The following HIBCH variants were observed in gnomAD, a reference collection of about 807,000 sequenced individuals.
The protein encoded by HIBCH is 3-hydroxyisobutyryl-CoA hydrolase.
In HIBCH, 50 loss-of-function variants were observed where a neutral mutation model predicts 58.2. The observed-to-expected ratio is 0.86, with a 90% CI of 0.68 to 1.09. HIBCH has a LOEUF of 1.09. HIBCH is among the 50% of genes least tolerant of loss of function. HIBCH has a pLI of 0.00. For missense variants in HIBCH, 450 were observed against 449.7 expected (o/e 1.00, Z -0.01); for synonymous variants, 151 against 146.9 (o/e 1.03, Z -0.20).
In HIBCH at chr2:190,319,795, G is replaced by T; in HGVS notation, c.-45C>A. 1.9e-6 allele frequency: 3 copies of T among 1,595,618 alleles called. No homozygotes were observed. The highest frequency in any genetic ancestry group is 1.7e-5 in the Admixed American group (1 of 57,710). ...AAAGCAGCAGAGCGAGAATCTCCCGGACCGTTCCAGCGCCTCGCGTGAGCC... is the reference window on the plus strand; with the variant it reads ...AAAGCAGCAGAGCGAGAATCTCCCGTACCGTTCCAGCGCCTCGCGTGAGCC... On this transcript the variant is annotated 5_prime_UTR_variant, in exon 1 of 14. Transcript: ENST00000359678.
At chr2:190,234,636 G>A (rs558619818) in intron 11 of HIBCH, among the ~76,000 whole-genome samples, 66 of 152,190 alleles carry the variant, frequency 4.3e-4, no homozygotes, top group Non-Finnish European at 7.8e-4. Flanking sequence ...GATCAACTGA[G>A]GTCAGGAGTT....
At chr2:190,220,846 C>T (rs1685699582) in intron 11 of HIBCH, among the ~76,000 whole-genome samples, 1 of 152,156 alleles carries the variant, frequency 6.6e-6, no homozygotes, top group Non-Finnish European at 1.5e-5. Flanking sequence ...CACTTTCTGG[C>T]TTCATATGCA....
intron 8 of HIBCH, among the ~76,000 whole-genome samples, chr2:190,251,712 C>CAA (rs3838547): frequency 6.7e-6 from 1 of 149,218 alleles, no homozygotes; most frequent in Non-Finnish European, 1.5e-5. Flanking sequence ...AGATAAGTAA[C>CAA]GTGTTCCTTG....
At chr2:190,219,853 T>C (rs1224741921) in intron 11 of HIBCH, among the ~76,000 whole-genome samples, 1 of 152,222 alleles carries the variant, frequency 6.6e-6, no homozygotes, top group Non-Finnish European at 1.5e-5. Flanking sequence ...CTGAGTCCAT[T>C]CTGTGGGTTT....
intron 11 of HIBCH, among the ~76,000 whole-genome samples, chr2:190,222,815 T>C (rs1450268947): frequency 2.0e-5 from 3 of 152,218 alleles, no homozygotes; most frequent in Non-Finnish European, 2.9e-5. Context: ...GAAAGACACA[T>C]GCACACGTAT....
Position 190,209,183 on chromosome 2 carries a change from G to T in HIBCH, c.1012-270C>A, listed in dbSNP as rs1433186331. ...TCCCCATCTGTGCTGGCTTCACTTT[G>T]CTCTTCATCCAGCCCAATTTCACCA... On this transcript the variant is annotated intron_variant, in intron 12 of 13. Transcript: ENST00000359678. This position sits in a 1 kb window ranked among gnomAD's most constrained non-coding sequence, Gnocchi z 5.6. Among the ~76,000 whole-genome samples, 1 of 152,100 alleles carries T rather than the reference G, an allele frequency of 6.6e-6. No individual in the cohort carries two copies. Among genetic ancestry groups the T allele is most frequent in the Non-Finnish European group, 1.5e-5 (1 of 68,026 alleles).
At chr2:190,301,004 G>A (rs893711089) in intron 2 of HIBCH, among the ~76,000 whole-genome samples, 7 of 152,282 alleles carry the variant, frequency 4.6e-5, no homozygotes, top group East Asian at 1.9e-4. Flanking sequence ...AAATCTACAC[G>A]AATGTTGGAA....
chr2:190,277,128 G>A (rs1687574201), intron 6 of HIBCH, among the ~76,000 whole-genome samples: 1 of 152,118 alleles, frequency 6.6e-6, no homozygotes, highest in Non-Finnish European at 1.5e-5. Context: ...AATAAATTTA[G>A]TCATTTAAAT....
rs1307712684 is a variant in HIBCH at position 190,290,359 on chromosome 2, T to TTTATTC, written c.385+45_385+46insGAATAA. ...TTTAACAAAGTACATACTGTCCACC[T>TTTATTC]CATTTCTTTATTCCATTTCCAAAGC... On this transcript the variant is annotated intron_variant, in intron 5 of 13. Transcript: ENST00000359678. The TTTATTC allele has an allele frequency of 2.3e-6, 3 of 1,293,158 alleles. 1 individual carries two copies. The South Asian group carries it at 3.5e-5, about 15-fold the overall frequency. The allele number at this position is 1,293,158 out of a possible 1,614,324, so 80.1% of individuals were successfully genotyped here. A position where few individuals can be genotyped will look rare whatever the true frequency, so the allele number is the denominator to read the frequency against.
intron 9 of HIBCH, among the ~76,000 whole-genome samples, chr2:190,248,005 T>C (rs183065732): frequency 6.6e-6 from 1 of 152,318 alleles, no homozygotes; most frequent in East Asian, 1.9e-4. Flanking sequence ...GGAACCAAAT[T>C]CAGATTCTCT....
intron 6 of HIBCH, among the ~76,000 whole-genome samples, chr2:190,265,745 G>C (rs1283777629): frequency 6.6e-6 from 1 of 152,034 alleles, no homozygotes; most frequent in East Asian, 1.9e-4. Context: ...AACAGTTATG[G>C]ATTATAATTT....
chr2:190,267,992 G>C (rs564002905), intron 6 of HIBCH, among the ~76,000 whole-genome samples: 1 of 152,254 alleles, frequency 6.6e-6, no homozygotes, highest in East Asian at 1.9e-4. Context: ...ATCTTCTTTG[G>C]AGAGAGAACA....
At chr2:190,292,584 T>C (rs1687986947) in intron 4 of HIBCH, among the ~76,000 whole-genome samples, 1 of 152,250 alleles carries the variant, frequency 6.6e-6, no homozygotes, top group African/African-American at 2.4e-5. Flanking sequence ...GTGCTGAGAT[T>C]ACAGGCGTTA....
intron 7 of HIBCH, among the ~76,000 whole-genome samples, chr2:190,256,246 T>C (rs2105946043): frequency 6.6e-6 from 1 of 151,996 alleles, no homozygotes; most frequent in East Asian, 1.9e-4. Flanking sequence ...TACATGAGAC[T>C]AAGGAAAGAA....
intron 9 of HIBCH, among the ~76,000 whole-genome samples, chr2:190,246,844 T>C (rs1686622244): frequency 6.6e-6 from 1 of 152,168 alleles, no homozygotes. Flanking sequence ...GACACGTATC[T>C]TAGCTGCAGG....
rs1435840791 is a variant in HIBCH, at chr2:190,211,173, T to A, written c.1011+1783A>T. On this transcript the variant is annotated intron_variant, in intron 12 of 13. Transcript: ENST00000359678. This position sits in a 1 kb window ranked among gnomAD's most constrained non-coding sequence, Gnocchi z 5.0. Reference sequence around the variant, plus strand: ...ACCTCTAACAGTGTCTACGACATAGTAAGCACTCTTGTTTAGTAAATAACG... The same window carrying A: ...ACCTCTAACAGTGTCTACGACATAGAAAGCACTCTTGTTTAGTAAATAACG... Among the ~76,000 whole-genome samples the A allele has an allele frequency of 6.6e-6, 1 of 152,184 alleles. No homozygotes were observed. The highest frequency in any genetic ancestry group is 1.5e-5 in the Non-Finnish European group (1 of 68,028).
chr2:190,287,027 C>CGTGTGTGTGTGTGTGTGTGTGT (rs56811939), intron 6 of HIBCH, among the ~76,000 whole-genome samples: 10 of 142,220 alleles, frequency 7.0e-5, no homozygotes, highest in East Asian at 2.0e-4. Flanking sequence ...TAGCATATAA[C>CGTGTGTGTGTGTGTGTGTGTGT]GTGTGTGTGT....
At chr2:190,296,664 G>A in intron 3 of HIBCH, 149 bp downstream of exon 3, 2 of 739,278 alleles carry the variant, frequency 2.7e-6, no homozygotes, top group East Asian at 5.4e-5. Context: ...ACTGCACAGG[G>A]GAAGCACTGA....
intron 6 of HIBCH, among the ~76,000 whole-genome samples, chr2:190,270,361 C>T (rs982843605): frequency 1.7e-4 from 25 of 150,644 alleles, no homozygotes; most frequent in African/African-American, 6.1e-4. Context: ...AATCCCTCAA[C>T]GCATAAACAC....
Sources: gnomAD v4.1 joint callset for allele counts (sites outside exome capture counted in the v4.1 genomes callset) on GRCh38, gnomAD v4.1.1 for gene constraint, Gnocchi (gnomAD v3.1) non-coding constraint, MANE v1.5 for transcripts, NCBI Gene and HGNC (gene_info 2026-07-23, HGNC 2026-07-21) for gene names.